FAAH2: variants seen among roughly 807,000 people sequenced by gnomAD.
FAAH2 encodes the protein fatty-acid amide hydrolase 2.
A neutral mutation model predicts 36.9 loss-of-function variants in FAAH2; 60 were observed. The observed-to-expected ratio is 1.63, with a 90% CI of 1.32 to 2.02. The LOEUF (loss-of-function observed/expected upper bound fraction) is 2.02. Among genes scored for constraint, FAAH2 ranks in the 30% most tolerant of loss-of-function variants. The pLI is 0.00. For synonymous variants in FAAH2, 214 were observed against 143.8 expected (o/e 1.49, Z -3.49); for missense variants, 689 against 397.5 (o/e 1.73, Z -6.23).
intron 2 of FAAH2, among the ~76,000 whole-genome samples, chrX:57,304,754 T>A (rs955542602): frequency 8.9e-6 from 1 of 111,966 alleles, no homozygotes; most frequent in Non-Finnish European, 1.9e-5. Flanking sequence ...CTTGACAATA[T>A]GACTTTGAGT....
At chrX:57,158,242 C>A in the FAAH2 span, among the ~76,000 whole-genome samples, 1 of 112,102 alleles carries the variant, frequency 8.9e-6, no homozygotes, top group East Asian at 2.8e-4. Context: ...TTAATCCAGT[C>A]TATCATTGTT....
In FAAH2 at chrX:57,306,732, A is replaced by G. The variant is rs7878920; in HGVS notation, c.276-3861A>G. On this transcript the variant is annotated intron_variant, in intron 2 of 10. Transcript: ENST00000374900. ...TGTGTGTGTGTGTGTGTGTGTGTGTATATATATACACACACACTATATGTA... is the reference window on the plus strand; with the variant it reads ...TGTGTGTGTGTGTGTGTGTGTGTGTGTATATATACACACACACTATATGTA... 9.3e-3 allele frequency among the ~76,000 whole-genome samples: 346 copies of G among 37,035 alleles called. 1 individual carries two copies. The highest frequency in any genetic ancestry group is 0.02 in the Middle Eastern group (1 of 51). The allele number at this position is 37,035 out of a possible 115,157, so 32.2% of individuals were successfully genotyped here.
the FAAH2 span, among the ~76,000 whole-genome samples, chrX:57,183,349 A>T: frequency 5.8e-5 from 6 of 104,164 alleles, no homozygotes; most frequent in Non-Finnish European, 1.2e-4. Context: ...TAATTAATAC[A>T]TTGAAAATAG....
the FAAH2 span, among the ~76,000 whole-genome samples, chrX:57,182,146 C>T: frequency 9.0e-6 from 1 of 111,694 alleles, no homozygotes; most frequent in Non-Finnish European, 1.9e-5. Context: ...GGGAGACAAC[C>T]TAGGGAATAT....
chrX:57,442,510 T>G (rs1180610139), intron 8 of FAAH2, among the ~76,000 whole-genome samples: 3 of 111,155 alleles, frequency 2.7e-5, no homozygotes, highest in Non-Finnish European at 3.8e-5. Flanking sequence ...TGTCTCTGCA[T>G]GTGATATGGG....
chrX:57,426,791 A>G (rs2056172951), intron 7 of FAAH2, among the ~76,000 whole-genome samples: 1 of 111,685 alleles, frequency 9.0e-6, no homozygotes, highest in Non-Finnish European at 1.9e-5. Context: ...GCCTACATCA[A>G]AGTAATAAAA....
At chrX:57,241,726 A>G in the FAAH2 span, among the ~76,000 whole-genome samples, 1 of 111,499 alleles carries the variant, frequency 9.0e-6, no homozygotes, top group African/African-American at 3.3e-5. Flanking sequence ...CACAAAGCCA[A>G]TTATATCATT....
chrX:57,445,809 T>G (rs1479796257), intron 8 of FAAH2, among the ~76,000 whole-genome samples: 1 of 112,601 alleles, frequency 8.9e-6, no homozygotes, highest in Non-Finnish European at 1.9e-5. Context: ...TGCACTCTTT[T>G]GGCCACCACA....
rs765574742 is a variant in FAAH2, at chrX:57,482,172, A to G, written c.1424-6585A>G. On this transcript the variant is annotated intron_variant, in intron 10 of 10. Coordinates refer to ENST00000374900, the MANE Select transcript of FAAH2 (RefSeq NM_174912.4). ...AAGCCAGTGGTTCTTAGCTTGCTGG[A>G]CTCCCTGGCAGTGGGACCTGCTGAG... Among the ~76,000 whole-genome samples, 10 of 111,222 alleles carry G rather than the reference A, an allele frequency of 9.0e-5. No homozygotes were observed. The South Asian group carries it at 3.8e-3, about 42-fold the overall frequency.
chrX:57,485,765 G>A (rs1195662181), intron 10 of FAAH2, among the ~76,000 whole-genome samples: 4 of 111,820 alleles, frequency 3.6e-5, no homozygotes, highest in African/African-American at 1.3e-4. Flanking sequence ...AGGTTTATTA[G>A]TTTATTTTGT....
In FAAH2 at chrX:57,466,156, C is replaced by CTATATATATATA. The variant is rs1163626331; in HGVS notation, c.1423+17451_1423+17462dup. On this transcript the variant is annotated intron_variant, in intron 10 of 10. Coordinates refer to ENST00000374900, the MANE Select transcript of FAAH2 (RefSeq NM_174912.4). ...TCTCTCTCTCTCTCTCTCTCTCTCT[C>CTATATATATATA]TATATATATATATATATATATATAC... 7.7e-3 allele frequency among the ~76,000 whole-genome samples: 513 copies of CTATATATATATA among 66,344 alleles called. 6 individuals are homozygous for CTATATATATATA. Among genetic ancestry groups the CTATATATATATA allele is most frequent in the Admixed American group, 0.036 (175 of 4,872 alleles). 57.6% of individuals were successfully genotyped at this position (66,344 alleles called of 115,157 possible).
At chrX:57,140,133 T>C in the FAAH2 span, among the ~76,000 whole-genome samples, 1 of 111,704 alleles carries the variant, frequency 9.0e-6, no homozygotes, top group Non-Finnish European at 1.9e-5. Flanking sequence ...AGGGATTGCT[T>C]TCTTGATTTC....
chrX:57,240,927 C>A, the FAAH2 span, among the ~76,000 whole-genome samples: 116 of 112,234 alleles, frequency 1.0e-3, 2 homozygotes, highest in Middle Eastern at 0.032. Flanking sequence ...GGCAACATAA[C>A]CCTATTCTGT....
At chrX:57,330,620 C>A (rs756991359) in intron 3 of FAAH2, among the ~76,000 whole-genome samples, 2 of 111,468 alleles carry the variant, frequency 1.8e-5, no homozygotes, top group Non-Finnish European at 3.8e-5. Flanking sequence ...CCCTTTTGAA[C>A]GTCCCTAATA....
At chrX:57,274,591 C>G in the FAAH2 span, among the ~76,000 whole-genome samples, 1 of 111,988 alleles carries the variant, frequency 8.9e-6, no homozygotes, top group Non-Finnish European at 1.9e-5. Flanking sequence ...GGATGCAGAG[C>G]TGGTTCAACA....
intron 10 of FAAH2, among the ~76,000 whole-genome samples, chrX:57,462,000 A>G (rs898710755): frequency 5.5e-5 from 6 of 110,019 alleles, no homozygotes; most frequent in African/African-American, 2.0e-4. Context: ...ACAAACTACC[A>G]TCAGAGAATA....
chrX:57,389,210 T>A lies in FAAH2; in HGVS notation c.996+8181T>A, dbSNP rs183899263. Among the ~76,000 whole-genome samples, 800 of 100,972 alleles carry A rather than the reference T, an allele frequency of 7.9e-3. 3 individuals carry two copies. The highest frequency in any genetic ancestry group is 0.013 in the Non-Finnish European group (655 of 49,516). 87.7% of individuals were successfully genotyped at this position (100,972 alleles called of 115,157 possible). A position where few individuals can be genotyped will look rare whatever the true frequency, so the allele number is the denominator to read the frequency against. On this transcript the variant is annotated intron_variant, in intron 7 of 10. Coordinates refer to ENST00000374900, the MANE Select transcript of FAAH2 (RefSeq NM_174912.4). ...CCAGAGAAGCAGAAGAAATTCCTTC[T>A]GCTTCTCTGGAGTACCCTAATTTTA...
intron 10 of FAAH2, chrX:57,452,249 G>A (rs2056798371): frequency 2.7e-6 from 2 of 753,152 alleles, no homozygotes; most frequent in African/African-American, 2.3e-5. Context: ...GGAATGCTAA[G>A]CAGATCTTTT....
the FAAH2 span, among the ~76,000 whole-genome samples, chrX:57,244,850 T>C: frequency 1.8e-5 from 2 of 111,139 alleles, no homozygotes; most frequent in Non-Finnish European, 3.8e-5. Context: ...GCAAGCATCA[T>C]AATGACAGGT....
Sources: allele counts gnomAD v4.1 joint callset (sites outside exome capture counted in the v4.1 genomes callset), GRCh38; gene constraint gnomAD v4.1.1; transcripts MANE v1.5; gene names NCBI Gene and HGNC (gene_info 2026-07-23, HGNC 2026-07-21).